Variants in CTBS observed in about 807,000 individuals in gnomAD.
CTBS encodes chitobiase, also known as di-N-acetylchitobiase.
Under a neutral mutation model 44.3 loss-of-function variants are expected in CTBS, and 35 were observed. The observed-to-expected ratio is 0.79, with a 90% confidence interval of 0.60 to 1.05. The LOEUF (loss-of-function observed/expected upper bound fraction) is 1.05, where lower values mean the gene tolerates loss of function less well. CTBS is among the 50% of genes least tolerant of loss of function. The pLI is 0.00. For synonymous variants in CTBS, 143 were observed against 168.0 expected (o/e 0.85, Z 1.15); for missense variants, 458 against 475.3 (o/e 0.96, Z 0.34).
At chr1:84,565,742 A>T in intron 4 of CTBS, 99 bp downstream of exon 4, 4 of 610,758 alleles carry the variant, frequency 6.5e-6, no homozygotes, top group Non-Finnish European at 9.3e-6. Flanking sequence ...CAATTGAAAA[A>T]CGTATACATA....
Position 84,570,677 on chromosome 1 carries a change from T to G in CTBS, c.221A>C (p.Asp74Ala). 6.2e-7 allele frequency: 1 copy of G among 1,613,968 alleles called. No homozygotes were observed. The highest frequency in any genetic ancestry group is 8.5e-7 in the Non-Finnish European group (1 of 1,179,862). ...TGCCACAGTTGTAATCTGTGACCAA[T>G]CATAAGATTTCCAAGTTTTCTGTCC... The part of the protein sequence containing the change: ...DVGQKTWKSY[D>A]WSQITTVATF... The change falls in exon 2 of 7, where the codon GAT (aspartate) becomes GCT (alanine). Residue 74 changes from aspartate to alanine, a missense_variant. By Grantham distance (126) the Asp-to-Ala change is moderately radical. Coordinates refer to ENST00000370630, the MANE Select transcript of CTBS (RefSeq NM_004388.3).
At chr1:84,563,707 A>G (rs915651623) in intron 5 of CTBS, 28 bp downstream of exon 5, 5 of 1,362,710 alleles carry the variant, frequency 3.7e-6, no homozygotes, top group Non-Finnish European at 5.0e-6. Flanking sequence ...TAGATAATAA[A>G]AATTATGTAA....
chr1:84,565,914 A>G lies in CTBS; in HGVS notation c.624T>C (p.Ser208=), dbSNP rs776595807. 4.4e-6 allele frequency: 7 copies of G among 1,602,092 alleles called. No individual in the cohort carries two copies. The South Asian group carries it at 7.9e-5, about 18-fold the overall frequency. The part of the protein sequence containing the change: ...ADACDFLFVM[S]YDEQSQIWSE... Reference sequence around the variant, plus strand: ...ACCAGATCTGACTTTGTTCATCATAAGACATCACAAAGAGGAAGTCACAAG... The same window carrying G: ...ACCAGATCTGACTTTGTTCATCATAGGACATCACAAAGAGGAAGTCACAAG... Residue 208 remains serine (S), a synonymous_variant, in exon 4 of 7, where the codon TCT becomes TCC. Coordinates refer to ENST00000370630, the MANE Select transcript of CTBS (RefSeq NM_004388.3).
At chr1:84,557,533 C>CAAAAAAAAAAAAAAAAAAAAGAA (rs1684473354) in intron 6 of CTBS, among the ~76,000 whole-genome samples, 1 of 55,438 alleles carries the variant, frequency 1.8e-5, no homozygotes, top group Non-Finnish European at 3.5e-5. Context: ...AACTCCATCT[C>CAAAAAAAAAAAAAAAAAAAAGAA]AAAAAAAAAA....
chr1:84,560,233 T>C (rs1684565271), intron 6 of CTBS, among the ~76,000 whole-genome samples: 1 of 152,022 alleles, frequency 6.6e-6, no homozygotes, highest in Non-Finnish European at 1.5e-5. Flanking sequence ...AGTCTAAAAA[T>C]GTTACTCTAA....
At chr1:84,571,385 G>A (rs1441054576) in intron 1 of CTBS, among the ~76,000 whole-genome samples, 3 of 152,194 alleles carry the variant, frequency 2.0e-5, no homozygotes, top group Non-Finnish European at 4.4e-5. Flanking sequence ...AGAGAAGTCT[G>A]ATAATACTCA....
chr1:84,557,658 A>G (rs1218706167), intron 6 of CTBS, among the ~76,000 whole-genome samples: 1 of 151,708 alleles, frequency 6.6e-6, no homozygotes, highest in African/African-American at 2.4e-5. Context: ...GATCGAGACC[A>G]TCCTGGCTAA....
intron 6 of CTBS, among the ~76,000 whole-genome samples, chr1:84,560,754 C>T (rs1308877538): frequency 1.3e-5 from 2 of 152,100 alleles, no homozygotes; most frequent in Non-Finnish European, 2.9e-5. Flanking sequence ...TTCCAAAAAT[C>T]CTATGGCACT....
chr1:84,571,621 ATT>A (rs1328603194), intron 1 of CTBS, among the ~76,000 whole-genome samples: 1 of 152,160 alleles, frequency 6.6e-6, no homozygotes, highest in African/African-American at 2.4e-5. Context: ...TATTTATTGA[ATT>A]TCCAATAAGG....
intron 1 of CTBS, 86 bp downstream of exon 1, chr1:84,574,153 G>T (rs1384370225): frequency 1.9e-6 from 3 of 1,541,152 alleles, no homozygotes; most frequent in South Asian, 1.2e-5. Context: ...CGGCGCCCAC[G>T]GCACCTCTCC....
Position 84,554,704 on chromosome 1 carries a change from G to T in CTBS, c.*295C>A. ...TGAGCATATATTTTACTATAATGAA[G>T]GGAAATATGGCATAATAAAATTCTG... On this transcript the variant is annotated 3_prime_UTR_variant, in exon 7 of 7. Coordinates refer to ENST00000370630, the MANE Select transcript of CTBS (RefSeq NM_004388.3). 4.1e-6 allele frequency: 1 copy of T among 244,516 alleles called. No individual in the cohort carries two copies. Among genetic ancestry groups the T allele is most frequent in the Non-Finnish European group, 7.9e-6 (1 of 126,252 alleles). 15.1% of individuals were successfully genotyped at this position (244,516 alleles called of 1,614,324 possible).
At chr1:84,573,597 G>C (rs1289279836) in intron 1 of CTBS, among the ~76,000 whole-genome samples, 4 of 152,186 alleles carry the variant, frequency 2.6e-5, no homozygotes, top group Admixed American at 1.3e-4. Flanking sequence ...TAAGCCTTTG[G>C]ACCTTCCTGA....
At chr1:84,568,565 T>C (rs922547386) in intron 3 of CTBS, among the ~76,000 whole-genome samples, 4 of 152,174 alleles carry the variant, frequency 2.6e-5, no homozygotes, top group Admixed American at 6.5e-5. Context: ...CCTAGGACAC[T>C]TGGCAAAAAT....
chr1:84,569,552 T>C (rs1016772390), intron 3 of CTBS, among the ~76,000 whole-genome samples: 1 of 152,188 alleles, frequency 6.6e-6, no homozygotes, highest in African/African-American at 2.4e-5. Context: ...TGCAAGTAAT[T>C]CAGAGACTGT....
chr1:84,572,492 T>A (rs981069908), intron 1 of CTBS, among the ~76,000 whole-genome samples: 3 of 149,948 alleles, frequency 2.0e-5, no homozygotes, highest in African/African-American at 7.3e-5. Context: ...AAATGCCATG[T>A]AGTCTAGTTT....
At chr1:84,555,379 A>C (rs570102413) in intron 6 of CTBS, among the ~76,000 whole-genome samples, 180 bp from the exon 7 acceptor site, 1 of 152,332 alleles carries the variant, frequency 6.6e-6, no homozygotes, top group South Asian at 2.1e-4. Flanking sequence ...CCTATTCTAT[A>C]ATTCCATGGT....
chr1:84,561,586 T>G (rs949913435), intron 6 of CTBS, among the ~76,000 whole-genome samples: 1 of 152,172 alleles, frequency 6.6e-6, no homozygotes, highest in African/African-American at 2.4e-5. Flanking sequence ...TGCAATCAAA[T>G]AGCATCACGT....
rs756387712 is a variant in CTBS at position 84,570,103 on chromosome 1, A to G, written c.353T>C (p.Phe118Ser). The change falls in exon 3 of 7, where the codon TTC becomes TCC. Residue 118 changes from phenylalanine (F) to serine (S), a missense_variant. By Grantham distance (155) the Phe-to-Ser change is radical. Transcript: ENST00000370630. Reference sequence around the variant, plus strand: ...TTTTTGAGCTATCCAGGATGCTCTGAAAGCAGGATCAATGATATCCTTTAA... The same window carrying G: ...TTTTTGAGCTATCCAGGATGCTCTGGAAGCAGGATCAATGATATCCTTTAA... ...VSLKDIIDPA[F>S]RASWIAQKLN... 15 of 1,613,316 alleles carry G rather than the reference A, an allele frequency of 9.3e-6. No individual in the cohort carries two copies. The African/African-American group carries it at 1.6e-4, about 17-fold the overall frequency.
At chr1:84,570,792 C>T (rs183855866) in intron 1 of CTBS, 72 bp from the exon 2 acceptor site, 2 of 1,431,976 alleles carry the variant, frequency 1.4e-6, no homozygotes, top group African/African-American at 2.8e-5. Context: ...TACCGTTCAT[C>T]AAACATCACC....
Sources: allele counts gnomAD v4.1 joint callset (sites outside exome capture counted in the v4.1 genomes callset), GRCh38; gene constraint gnomAD v4.1.1; transcripts MANE v1.5; gene names NCBI Gene and HGNC (gene_info 2026-07-23, HGNC 2026-07-21).